The following CUBN variants were observed in gnomAD, a reference collection of about 807,000 sequenced individuals.
The protein encoded by CUBN is 460 kDa receptor.
CUBN carries 282 observed loss-of-function variants against 405.3 expected under a neutral mutation model. The ratio of observed to expected loss-of-function variants is 0.70; its 90% CI spans 0.63 to 0.77. CUBN has a LOEUF of 0.77. CUBN is among the 30% of genes least tolerant of loss of function. The probability of loss-of-function intolerance (pLI) is 0.00; values close to 1 mark genes in which losing one functional copy is unlikely to be tolerated. For synonymous variants in CUBN, 1,684 were observed against 1,617.0 expected, an observed-to-expected ratio of 1.04 and a Z score of -0.99; for missense variants, 4,514 against 4,475.2, an observed-to-expected ratio of 1.01 and a Z score of -0.25.
At chr10:16,987,974 TA>T (rs2131709318) in intron 29 of CUBN, among the ~76,000 whole-genome samples, 1 of 152,256 alleles carries the variant, frequency 6.6e-6, no homozygotes, top group East Asian at 1.9e-4. Context: ...ATAATAAAAA[TA>T]AGCCCCAAGC....
At chr10:17,042,875 C>A (rs1184005161) in intron 26 of CUBN, among the ~76,000 whole-genome samples, 1 of 152,036 alleles carries the variant, frequency 6.6e-6, no homozygotes, top group Non-Finnish European at 1.5e-5. Context: ...ATTCCACTTT[C>A]AGATAATTAC....
intron 40 of CUBN, among the ~76,000 whole-genome samples, chr10:16,932,788 A>G (rs1842396263): frequency 6.6e-6 from 1 of 152,212 alleles, no homozygotes; most frequent in Non-Finnish European, 1.5e-5. Context: ...TCTCAGAGGT[A>G]TCTCAATAGG....
chr10:17,110,298 A>C (rs1836741456), intron 9 of CUBN, among the ~76,000 whole-genome samples: 3 of 152,210 alleles, frequency 2.0e-5, no homozygotes, highest in Admixed American at 2.0e-4. Flanking sequence ...GCATGATATT[A>C]ACAAATTATT....
In CUBN at chr10:16,828,928, C is replaced by A. The variant is rs145909413; in HGVS notation, c.10641G>T (p.Arg3547Ser). 1.2e-6 allele frequency: 2 copies of A among 1,614,016 alleles called. No homozygotes were observed. Among genetic ancestry groups the A allele is most frequent in the Non-Finnish European group, 1.7e-6 (2 of 1,180,028 alleles). Residue 3547 changes from arginine (R) to serine (S), a missense_variant, in exon 66 of 67, where the codon AGG (arginine) becomes AGT (serine). Coordinates refer to ENST00000377833, the MANE Select transcript of CUBN (RefSeq NM_001081.4). ...TGAAGTAGAAGTTGATGGTGACAAG[C>A]CTTCCAGCAGGAGCAACAAGGACCC... ...CEWVLVAPAG[R>S]LVTINFYFIS...
chr10:17,016,026 G>T (rs1834318499), intron 28 of CUBN, among the ~76,000 whole-genome samples: 1 of 152,102 alleles, frequency 6.6e-6, no homozygotes, highest in Non-Finnish European at 1.5e-5. Context: ...TCCAGATTTT[G>T]TTCAGGACCC....
intron 59 of CUBN, among the ~76,000 whole-genome samples, chr10:16,866,293 G>A (rs1197053709): frequency 6.6e-6 from 1 of 152,058 alleles, no homozygotes; most frequent in Non-Finnish European, 1.5e-5. Flanking sequence ...CATGCATATT[G>A]TGAATAGGCC....
rs1258951559 is a variant in CUBN at position 17,129,665 on chromosome 10, T to A, written c.101A>T (p.Lys34Ile). ...EAGELELQRQ[K>I]RSINLQQPRM... ...TTACTGTTGGAGATTGATGCTTCTT[T>A]TTTGTCTCTGCAGCTCAAGTTCTCC... Residue 34 changes from lysine to isoleucine, a missense_variant, in exon 1 of 67, where the codon AAA (lysine) becomes ATA (isoleucine). Physicochemically the swap from Lys to Ile is moderately radical, Grantham distance 102. Coordinates refer to ENST00000377833, the MANE Select transcript of CUBN (RefSeq NM_001081.4). 2.1e-5 allele frequency: 34 copies of A among 1,614,174 alleles called. No individual in the cohort carries two copies. The highest frequency in any genetic ancestry group is 2.7e-5 in the Non-Finnish European group (32 of 1,179,996).
intron 32 of CUBN, among the ~76,000 whole-genome samples, chr10:16,952,607 G>T (rs1480141576): frequency 6.6e-6 from 1 of 152,188 alleles, no homozygotes; most frequent in African/African-American, 2.4e-5. Flanking sequence ...CAGGAAGTAG[G>T]AAGTGGCAAA....
intron 40 of CUBN, among the ~76,000 whole-genome samples, chr10:16,929,283 T>C (rs1388443437): frequency 6.6e-6 from 1 of 152,116 alleles, no homozygotes; most frequent in Non-Finnish European, 1.5e-5. Flanking sequence ...TCATCTTGAT[T>C]ATCTTGGATA....
intron 13 of CUBN, among the ~76,000 whole-genome samples, chr10:17,101,341 A>T (rs1037034997): frequency 1.3e-5 from 2 of 151,634 alleles, no homozygotes; most frequent in African/African-American, 4.8e-5. Context: ...ACCTAAGAAT[A>T]TTTTTTTTTC....
chr10:16,869,914 T>C (rs1047750160), intron 58 of CUBN, 61 bp from the exon 59 acceptor site: 2 of 1,250,176 alleles, frequency 1.6e-6, no homozygotes, highest in African/African-American at 3.0e-5. Flanking sequence ...AATTGTAGCT[T>C]TAGCTCTTGC....
At chr10:16,838,804 C>A (rs575384041) in intron 62 of CUBN, among the ~76,000 whole-genome samples, 2 of 152,098 alleles carry the variant, frequency 1.3e-5, no homozygotes, top group Non-Finnish European at 1.5e-5. Flanking sequence ...ACCACTGCAC[C>A]CAGCTAATTT....
chr10:16,857,577 C>T (rs1232710881), intron 59 of CUBN, among the ~76,000 whole-genome samples: 1 of 152,132 alleles, frequency 6.6e-6, no homozygotes, highest in Non-Finnish European at 1.5e-5. Context: ...AGCAAAATGA[C>T]ATGATCATGT....
chr10:17,119,980 T>C (rs914806731), intron 6 of CUBN, among the ~76,000 whole-genome samples: 3 of 152,192 alleles, frequency 2.0e-5, no homozygotes, highest in African/African-American at 7.2e-5. Context: ...AAAGACTCCT[T>C]TTTCCGTCCA....
At chr10:16,865,561 T>C (rs1215223208) in intron 59 of CUBN, among the ~76,000 whole-genome samples, 2 of 152,070 alleles carry the variant, frequency 1.3e-5, no homozygotes, top group Non-Finnish European at 2.9e-5. Flanking sequence ...AACTTTTCTG[T>C]CTTACAAGAG....
At chr10:16,908,381 G>A (rs1038665965) in intron 48 of CUBN, among the ~76,000 whole-genome samples, 2 of 152,094 alleles carry the variant, frequency 1.3e-5, no homozygotes, top group South Asian at 2.1e-4. Flanking sequence ...CTGACTTCAG[G>A]TGATCCACCT....
chr10:16,884,609 T>C (rs1166681071), intron 56 of CUBN, among the ~76,000 whole-genome samples: 1 of 152,196 alleles, frequency 6.6e-6, no homozygotes, highest in Non-Finnish European at 1.5e-5. Context: ...TAGACCAACA[T>C]TAAACTTGGA....
Position 16,841,014 on chromosome 10 carries a change from C to T in CUBN, c.9697G>A (p.Ala3233Thr). ...ACTGTGGAACCACAAAACGTTCCAG[C>T]CAAGTTCGCATTTTCACTATCCCCA... is the stretch of plus-strand genomic sequence containing the variant. Reference protein sequence around the residue: ...YDGDSENANLAGTFCGSTVPA... With the variant: ...YDGDSENANLTGTFCGSTVPA... The change falls in exon 61 of 67, where the codon GCT becomes ACT. Residue 3233 changes from alanine to threonine, a missense_variant. Physicochemically the swap from Ala to Thr is moderately conservative, Grantham distance 58 (BLOSUM62 0). Transcript: ENST00000377833. 1 of 1,614,076 alleles carries T rather than the reference C, an allele frequency of 6.2e-7. No individual in the cohort carries two copies. Among genetic ancestry groups the T allele is most frequent in the Non-Finnish European group, 8.5e-7 (1 of 1,180,000 alleles).
intron 31 of CUBN, among the ~76,000 whole-genome samples, chr10:16,971,466 T>C (rs1343965947): frequency 6.6e-6 from 1 of 152,232 alleles, no homozygotes; most frequent in African/African-American, 2.4e-5. Context: ...TTGGCAAATA[T>C]ATAGCAGATC....
Sources: gnomAD v4.1 joint callset for allele counts (sites outside exome capture counted in the v4.1 genomes callset) on GRCh38, gnomAD v4.1.1 for gene constraint, MANE v1.5 for transcripts, NCBI Gene and HGNC (gene_info 2026-07-23, HGNC 2026-07-21) for gene names.